TM9SF2: variants seen among roughly 807,000 people sequenced by gnomAD.
TM9SF2 encodes transmembrane 9 superfamily member 2, also known as 76 kDa membrane protein.
Under a neutral mutation model 84.9 loss-of-function variants are expected in TM9SF2, and 13 were observed. The observed-to-expected ratio is 0.15, with a 90% CI of 0.10 to 0.24. TM9SF2 has a LOEUF of 0.24. TM9SF2 is among the 10% of genes least tolerant of loss of function. The probability of loss-of-function intolerance (pLI) is 1.00; values close to 1 mark genes in which losing one functional copy is unlikely to be tolerated. For missense variants in TM9SF2, 562 were observed against 818.5 expected, an observed-to-expected ratio of 0.69 and a Z score of 3.82; for synonymous variants, 273 against 285.8, an observed-to-expected ratio of 0.96 and a Z score of 0.45.
intron 14 of TM9SF2, among the ~76,000 whole-genome samples, chr13:99,555,038 G>A (rs1394261697): frequency 6.6e-6 from 1 of 152,212 alleles, no homozygotes; most frequent in Non-Finnish European, 1.5e-5. Context: ...GTTATATCAT[G>A]ATTGTTATTG....
intron 1 of TM9SF2, among the ~76,000 whole-genome samples, chr13:99,503,634 C>T (rs2046076140): frequency 6.9e-6 from 1 of 144,990 alleles, no homozygotes; most frequent in Admixed American, 7.2e-5. Flanking sequence ...CGCTTGAACT[C>T]TGGAGGTGGA....
intron 7 of TM9SF2, among the ~76,000 whole-genome samples, chr13:99,540,247 C>T (rs149254747): frequency 1.4e-3 from 217 of 151,832 alleles, no homozygotes; most frequent in South Asian, 4.2e-3. Flanking sequence ...TTAATATCCC[C>T]GTATAATGTT....
chr13:99,553,392 G>A (rs753728507), intron 13 of TM9SF2, among the ~76,000 whole-genome samples: 1 of 152,178 alleles, frequency 6.6e-6, no homozygotes, highest in Non-Finnish European at 1.5e-5. Context: ...TACCTCAGAA[G>A]TAGTGAACTG....
At chr13:99,517,770 G>C in intron 2 of TM9SF2, 89 bp downstream of exon 2, 1 of 790,942 alleles carries the variant, frequency 1.3e-6, no homozygotes, top group Non-Finnish European at 1.9e-6. Context: ...CACAGTTATG[G>C]ACAAGCCTGA....
At position 99,559,436 on chromosome 13, in the gene TM9SF2, A is replaced by G; in HGVS notation, c.1826A>G (p.His609Arg). ...GTTTATTTCTTAATCTATGCAGTAC[A>G]CTACTTCTTTTCAAAACTGCAGATC... ...TAVYFLIYAV[H>R]YFFSKLQITG... The change falls in exon 16 of 17, where the codon CAC (histidine) becomes CGC (arginine). Residue 609 changes from histidine (H) to arginine (R), a missense_variant. His to Arg is a conservative substitution (Grantham distance 29). Around this residue, in one of 4 missense-constraint regions of TM9SF2, gnomAD observed 63 missense variants for 109.2 expected, o/e 0.58. Coordinates refer to ENST00000376387, the MANE Select transcript of TM9SF2 (RefSeq NM_004800.3). 6.2e-7 allele frequency: 1 copy of G among 1,614,076 alleles called. No homozygotes were observed. Among genetic ancestry groups the G allele is most frequent in the Middle Eastern group, 1.7e-4 (1 of 6,060 alleles).
chr13:99,529,411 G>C (rs2046197990), intron 3 of TM9SF2, 56 bp from the exon 4 acceptor site: 1 of 1,429,318 alleles, frequency 7.0e-7, no homozygotes, highest in South Asian at 1.6e-5. Context: ...TGTGATATTG[G>C]TATGAAAAAC....
chr13:99,533,027 G>C (rs547190276), intron 4 of TM9SF2, among the ~76,000 whole-genome samples: 3 of 152,250 alleles, frequency 2.0e-5, no homozygotes, highest in African/African-American at 7.2e-5. Context: ...AGTATATTCT[G>C]TCCATGACCT....
intron 3 of TM9SF2, among the ~76,000 whole-genome samples, chr13:99,526,731 T>C (rs1367893663): frequency 6.6e-6 from 1 of 151,938 alleles, no homozygotes; most frequent in Non-Finnish European, 1.5e-5. Flanking sequence ...GGTCATTGTT[T>C]TGGAAGGATC....
At chr13:99,559,567 T>C in intron 16 of TM9SF2, 33 bp downstream of exon 16, 1 of 1,537,694 alleles carries the variant, frequency 6.5e-7, no homozygotes, top group Non-Finnish European at 8.8e-7. Flanking sequence ...TATTTTTATT[T>C]TGTAAGTTTT....
intron 4 of TM9SF2, among the ~76,000 whole-genome samples, chr13:99,533,556 T>G (rs1240452686): frequency 2.0e-5 from 3 of 152,252 alleles, no homozygotes; most frequent in Non-Finnish European, 2.9e-5. Context: ...CAATCATAAT[T>G]TCTCACCCAT....
At chr13:99,555,762 C>A in intron 15 of TM9SF2, 115 bp downstream of exon 15, 1 of 601,438 alleles carries the variant, frequency 1.7e-6, no homozygotes, top group Non-Finnish European at 2.8e-6. Context: ...TTATGATAGA[C>A]ATTGACCTGT....
Position 99,526,693 on chromosome 13 carries a change from C to T in TM9SF2, c.334-2774C>T, listed in dbSNP as rs118114292. On this transcript the variant is annotated intron_variant, in intron 3 of 16. Transcript: ENST00000376387. The stretch of plus-strand genomic sequence containing the variant: ...TTTGAAATTGGATGAAGACCAGAGT[C>T]GCTGGAGGAGAGGGCAGAGGATCAA... 2.5e-3 allele frequency among the ~76,000 whole-genome samples: 380 copies of T among 152,086 alleles called. 1 individual carries two copies. Among genetic ancestry groups the T allele is most frequent in the Non-Finnish European group, 4.4e-3 (300 of 67,994 alleles).
intron 15 of TM9SF2, among the ~76,000 whole-genome samples, chr13:99,556,163 A>G (rs1536024): frequency 0.038 from 3,776 of 98,334 alleles, 164 homozygotes; most frequent in African/African-American, 0.12. Flanking sequence ...AGGTTGTGTT[A>G]AATCTACTAT....
chr13:99,528,097 T>C (rs1457060746), intron 3 of TM9SF2, among the ~76,000 whole-genome samples: 1 of 152,240 alleles, frequency 6.6e-6, no homozygotes, highest in African/African-American at 2.4e-5. Context: ...ATAAGGAGGA[T>C]TTGTTTCCCT....
intron 12 of TM9SF2, among the ~76,000 whole-genome samples, chr13:99,551,327 G>A (rs2046304805): frequency 6.6e-6 from 1 of 152,250 alleles, no homozygotes; most frequent in African/African-American, 2.4e-5. Context: ...AGCAGGCCCT[G>A]TATCCATGGC....
rs936002190 is a variant in TM9SF2, at chr13:99,501,505, T to G, written c.-102T>G. On this transcript the variant is annotated 5_prime_UTR_variant, in exon 1 of 17. Coordinates refer to ENST00000376387, the MANE Select transcript of TM9SF2 (RefSeq NM_004800.3). ...CGGAACTAGCCTTCTGGGGGCCGGC[T>G]TCCTTTATCTCTGGCGGCCTTGTAG... The G allele has an allele frequency of 1.1e-5, 16 of 1,442,702 alleles. No individual in the cohort carries two copies. Among genetic ancestry groups the G allele is most frequent in the African/African-American group, 1.0e-4 (7 of 69,332 alleles). The allele number at this position is 1,442,702 out of a possible 1,614,324, so 89.4% of individuals were successfully genotyped here. A position where few individuals can be genotyped will look rare whatever the true frequency, so the allele number is the denominator to read the frequency against.
chr13:99,536,103 C>T (rs1378449140), intron 4 of TM9SF2, among the ~76,000 whole-genome samples: 4 of 152,066 alleles, frequency 2.6e-5, no homozygotes, highest in Non-Finnish European at 4.4e-5. Context: ...TCCTTCTCTA[C>T]TGTCTAATAA....
chr13:99,530,847 A>T (rs971179390), intron 4 of TM9SF2, among the ~76,000 whole-genome samples: 1 of 149,196 alleles, frequency 6.7e-6, no homozygotes, highest in Non-Finnish European at 1.5e-5. Context: ...TTATTATACA[A>T]TATTCAAACA....
At chr13:99,503,537 C>T (rs1208267394) in intron 1 of TM9SF2, among the ~76,000 whole-genome samples, 1 of 151,900 alleles carries the variant, frequency 6.6e-6, no homozygotes, top group Non-Finnish European at 1.5e-5. Flanking sequence ...GGTGAAACCG[C>T]GTCTCTACTA....
Sources: allele counts gnomAD v4.1 joint callset (sites outside exome capture counted in the v4.1 genomes callset), GRCh38; gene constraint gnomAD v4.1.1; regional missense constraint gnomAD v4.1.1; transcripts MANE v1.5; gene names NCBI Gene and HGNC (gene_info 2026-07-23, HGNC 2026-07-21).